The following RANBP2 variants were observed in gnomAD, a reference collection of about 807,000 sequenced individuals.
RANBP2 encodes RAN binding protein 2, also known as E3 SUMO-protein ligase RanBP2.
In RANBP2, 57 loss-of-function variants were observed where a neutral mutation model predicts 303.6. That is an observed-to-expected ratio of 0.19 (90% confidence interval 0.15 to 0.23). The LOEUF is 0.23. RANBP2 is among the 10% of genes least tolerant of loss of function. The probability of loss-of-function intolerance (pLI) is 1.00; values close to 1 mark genes in which losing one functional copy is unlikely to be tolerated. For synonymous variants in RANBP2, 1,167 were observed against 1,301.5 expected (o/e 0.90, Z 2.23); for missense variants, 3,138 against 3,780.8 (o/e 0.83, Z 4.46).
chr2:109,362,943 T>C, the RANBP2 span, among the ~76,000 whole-genome samples: 2 of 152,204 alleles, frequency 1.3e-5, no homozygotes, highest in Admixed American at 1.3e-4. Flanking sequence ...GTTAATCTGC[T>C]TGTGTGTGTA....
chr2:109,709,317 T>TAAAATAAAAAAAAA, the RANBP2 span, among the ~76,000 whole-genome samples: 1 of 117,302 alleles, frequency 8.5e-6, no homozygotes, highest in Admixed American at 7.9e-5. Context: ...AAAAATAAAA[T>TAAAATAAAAAAAAA]AAAATAAAAT....
At chr2:108,831,060 A>G in the RANBP2 span, among the ~76,000 whole-genome samples, 9 of 152,088 alleles carry the variant, frequency 5.9e-5, no homozygotes, top group Admixed American at 5.9e-4. Context: ...CTGTAATCCC[A>G]GCTACTCATG....
the RANBP2 span, among the ~76,000 whole-genome samples, chr2:109,659,133 T>C: frequency 2.0e-5 from 3 of 151,446 alleles, no homozygotes; most frequent in Non-Finnish European, 2.9e-5. Flanking sequence ...GCCCAGCACT[T>C]TGGGAGGTCA....
the RANBP2 span, among the ~76,000 whole-genome samples, chr2:109,765,536 G>A: frequency 1.3e-5 from 2 of 150,398 alleles, no homozygotes; most frequent in African/African-American, 4.9e-5. Flanking sequence ...GACACTGCCC[G>A]CTTGAGGGGG....
At chr2:109,572,142 G>GT in the RANBP2 span, among the ~76,000 whole-genome samples, 1 of 150,538 alleles carries the variant, frequency 6.6e-6, no homozygotes, top group South Asian at 2.1e-4. Context: ...CTTTTTTTTT[G>GT]TTTTTTGAGA....
chr2:109,324,902 C>T, the RANBP2 span, among the ~76,000 whole-genome samples: 1 of 152,188 alleles, frequency 6.6e-6, no homozygotes, highest in East Asian at 1.9e-4. Flanking sequence ...GTGGAGCTGT[C>T]GCTTCCCCAA....
chr2:108,723,424 G>A (rs1388109418), intron 1 of RANBP2, among the ~76,000 whole-genome samples: 3 of 151,676 alleles, frequency 2.0e-5, no homozygotes, highest in African/African-American at 4.8e-5. Flanking sequence ...ACAGGCACCC[G>A]CCACCACACC....
At chr2:109,097,865 C>T in the RANBP2 span, among the ~76,000 whole-genome samples, 1 of 151,906 alleles carries the variant, frequency 6.6e-6, no homozygotes. Context: ...TCTTAGGGAT[C>T]CTGCCTGCCT....
At chr2:109,283,415 C>G in the RANBP2 span, among the ~76,000 whole-genome samples, 3 of 152,228 alleles carry the variant, frequency 2.0e-5, no homozygotes, top group Admixed American at 2.0e-4. Context: ...CAGTATTGAG[C>G]TCACAGAGGG....
chr2:109,295,298 C>T, the RANBP2 span, among the ~76,000 whole-genome samples: 2 of 152,190 alleles, frequency 1.3e-5, no homozygotes, highest in Non-Finnish European at 2.9e-5. Flanking sequence ...TTGTCATCCC[C>T]AATTTGTAGA....
the RANBP2 span, among the ~76,000 whole-genome samples, chr2:109,512,382 A>G: frequency 6.6e-6 from 1 of 151,288 alleles, no homozygotes; most frequent in African/African-American, 2.4e-5. Context: ...AGCTGATTTC[A>G]CCTCTCACTG....
the RANBP2 span, among the ~76,000 whole-genome samples, chr2:108,795,051 G>A: frequency 2.0e-4 from 16 of 81,042 alleles, no homozygotes; most frequent in Middle Eastern, 7.2e-3. Context: ...ATTGTTTTAA[G>A]TACTTATATA....
chr2:109,379,358 G>A, the RANBP2 span, among the ~76,000 whole-genome samples: 3 of 152,044 alleles, frequency 2.0e-5, no homozygotes, highest in Non-Finnish European at 2.9e-5. Flanking sequence ...TTAAAGTCAT[G>A]GTTTACCATG....
At chr2:109,461,941 T>A in the RANBP2 span, among the ~76,000 whole-genome samples, 1 of 152,266 alleles carries the variant, frequency 6.6e-6, no homozygotes, top group East Asian at 1.9e-4. Context: ...CTCACCTTTT[T>A]AACTCTGGCT....
chr2:109,685,918 A>C, the RANBP2 span, among the ~76,000 whole-genome samples: 266 of 151,968 alleles, frequency 1.8e-3, no homozygotes, highest in Non-Finnish European at 2.7e-3. Flanking sequence ...TTTTGGGTAA[A>C]ACCCCCCCAA....
chr2:109,385,121 G>A, the RANBP2 span, among the ~76,000 whole-genome samples: 7,788 of 152,216 alleles, frequency 0.051, 628 homozygotes, highest in African/African-American at 0.18. Flanking sequence ...CCAGACCCCT[G>A]CCCACGTTGG....
the RANBP2 span, among the ~76,000 whole-genome samples, chr2:109,531,251 G>A: frequency 2.0e-5 from 3 of 152,192 alleles, no homozygotes; most frequent in Non-Finnish European, 4.4e-5. Context: ...TCTGACACTT[G>A]GTTTCTGATG....
At chr2:109,725,800 T>C in the RANBP2 span, among the ~76,000 whole-genome samples, 1 of 152,120 alleles carries the variant, frequency 6.6e-6, no homozygotes, top group Non-Finnish European at 1.5e-5. Context: ...TGGTGTGATC[T>C]TGGCTCACTG....
At chr2:108,872,911 A>G in the RANBP2 span, among the ~76,000 whole-genome samples, 1 of 152,178 alleles carries the variant, frequency 6.6e-6, no homozygotes, top group Non-Finnish European at 1.5e-5. Context: ...GCTTCAACAT[A>G]AAAGTCCAGA....
Sources: allele counts gnomAD v4.1 joint callset (sites outside exome capture counted in the v4.1 genomes callset), GRCh38; gene constraint gnomAD v4.1.1; transcripts MANE v1.5; gene names NCBI Gene and HGNC (gene_info 2026-07-23, HGNC 2026-07-21).